RERE: variants seen among roughly 807,000 people sequenced by gnomAD.
RERE encodes the protein arginine-glutamic acid dipeptide repeats.
Under a neutral mutation model 146.1 loss-of-function variants are expected in RERE, and 40 were observed. That is an observed-to-expected ratio of 0.27 (90% confidence interval 0.21 to 0.36). The LOEUF is 0.36. Ranked by LOEUF, RERE falls within the 10% of genes least tolerant of loss-of-function variation. The pLI, the probability that RERE is intolerant of heterozygous loss-of-function variation, is 1.00. For missense variants in RERE, 1,933 were observed against 2,138.7 expected (o/e 0.90, Z 1.90); for synonymous variants, 1,003 against 866.0 (o/e 1.16, Z -2.78).
At chr1:8,788,070 C>T (rs1166176768) in intron 1 of RERE, among the ~76,000 whole-genome samples, 2 of 151,850 alleles carry the variant, frequency 1.3e-5, no homozygotes, top group Non-Finnish European at 2.9e-5. Context: ...TGCACTCCAG[C>T]CTGGGTGACA....
chr1:8,362,602 G>A, intron 16 of RERE, 81 bp downstream of exon 16: 1 of 1,535,462 alleles, frequency 6.5e-7, no homozygotes, highest in South Asian at 1.1e-5. Context: ...GTGTCTGAGG[G>A]AGCTGATCAC....
chr1:8,713,525 G>A (rs1639707504), intron 1 of RERE, among the ~76,000 whole-genome samples: 1 of 152,088 alleles, frequency 6.6e-6, no homozygotes, highest in African/African-American at 2.4e-5. Flanking sequence ...CCTGAGGTCA[G>A]GAGTTCAAGA....
chr1:8,402,512 C>T (rs115049341), intron 12 of RERE, among the ~76,000 whole-genome samples: 1 of 152,276 alleles, frequency 6.6e-6, no homozygotes, highest in African/African-American at 2.4e-5. Context: ...GTATGTCATG[C>T]AACGGTGGAC....
At chr1:8,687,689 AC>A (rs1343498651) in intron 1 of RERE, among the ~76,000 whole-genome samples, 2 of 152,214 alleles carry the variant, frequency 1.3e-5, no homozygotes, top group South Asian at 2.1e-4. Context: ...CCATTTTCAC[AC>A]CATATTCATA....
At chr1:8,528,069 C>A (rs942590255) in intron 7 of RERE, among the ~76,000 whole-genome samples, 1 of 152,174 alleles carries the variant, frequency 6.6e-6, no homozygotes, top group African/African-American at 2.4e-5. Context: ...CTATTTTGTA[C>A]CTCAAAGAAC....
chr1:8,808,160 A>AG (rs997092292), intron 1 of RERE, among the ~76,000 whole-genome samples: 5 of 151,198 alleles, frequency 3.3e-5, no homozygotes, highest in Admixed American at 6.6e-5. Flanking sequence ...AAAAAAAAAA[A>AG]AAAAAAAAAA....
In RERE at chr1:8,356,369, T is replaced by A. The variant is rs1213430876; in HGVS notation, c.4340-123A>T. 5 of 1,147,934 alleles carry A rather than the reference T, an allele frequency of 4.4e-6. No homozygotes were observed. The highest frequency in any genetic ancestry group is 5.7e-6 in the Non-Finnish European group (5 of 869,616). The allele number at this position is 1,147,934 out of a possible 1,614,324, so 71.1% of individuals were successfully genotyped here. A position where few individuals can be genotyped will look rare whatever the true frequency, so the allele number is the denominator to read the frequency against. On this transcript the variant is annotated intron_variant, in intron 20 of 22. Transcript: ENST00000400908. This position sits in a 1 kb window ranked among gnomAD's most constrained non-coding sequence, Gnocchi z 5.2. ...ATGGCTCCTGGTCACCAGGGCTGGATGCACCACCTGGCTACAGGTGGCCCT... is the reference window on the plus strand; with the variant it reads ...ATGGCTCCTGGTCACCAGGGCTGGAAGCACCACCTGGCTACAGGTGGCCCT...
chr1:8,453,992 G>C (rs1278874959), intron 11 of RERE, among the ~76,000 whole-genome samples: 3 of 152,158 alleles, frequency 2.0e-5, no homozygotes, highest in Non-Finnish European at 4.4e-5. Context: ...CACCTCCACA[G>C]ATTTTAATAT....
intron 1 of RERE, among the ~76,000 whole-genome samples, chr1:8,813,541 TTCTGTTCAGTA>T (rs1170168896): frequency 6.6e-6 from 1 of 152,186 alleles, no homozygotes; most frequent in African/African-American, 2.4e-5. Context: ...CCTGGAACAT[TTCTGTTCAGTA>T]TCTGTTCAGT....
intron 2 of RERE, among the ~76,000 whole-genome samples, chr1:8,649,207 C>G (rs1207662713): frequency 2.0e-5 from 3 of 152,158 alleles, no homozygotes; most frequent in African/African-American, 4.8e-5. Flanking sequence ...CATCTCAAAA[C>G]AGGAGTAATG....
At chr1:8,609,364 G>A (rs1397618688) in intron 4 of RERE, among the ~76,000 whole-genome samples, 2 of 152,158 alleles carry the variant, frequency 1.3e-5, no homozygotes, top group African/African-American at 4.8e-5. Flanking sequence ...AGGTCAGCTG[G>A]GTGCTTTCAG....
At chr1:8,699,252 A>G (rs1251120087) in intron 1 of RERE, among the ~76,000 whole-genome samples, 1 of 152,188 alleles carries the variant, frequency 6.6e-6, no homozygotes, top group Non-Finnish European at 1.5e-5. Flanking sequence ...GTATGAGAAA[A>G]CAGTCACAGA....
At chr1:8,809,157 A>AAAAAAAAAAAT (rs985140466) in intron 1 of RERE, among the ~76,000 whole-genome samples, 3 of 146,118 alleles carry the variant, frequency 2.1e-5, no homozygotes, top group African/African-American at 8.3e-5. Flanking sequence ...AAAAAAAAAA[A>AAAAAAAAAAAT]AAAGTACTGA....
intron 12 of RERE, among the ~76,000 whole-genome samples, chr1:8,377,914 ATAGT>A (rs775801820): frequency 5.9e-5 from 9 of 152,316 alleles, no homozygotes; most frequent in East Asian, 1.9e-4. Flanking sequence ...CTCAGAAAAG[ATAGT>A]TAGGAGAAAA....
chr1:8,673,901 C>T (rs1201817524), intron 1 of RERE, among the ~76,000 whole-genome samples: 1 of 152,026 alleles, frequency 6.6e-6, no homozygotes, highest in Non-Finnish European at 1.5e-5. Context: ...CACCTGGTGG[C>T]AAAGGCTTAT....
At chr1:8,709,677 T>C (rs1302752886) in intron 1 of RERE, among the ~76,000 whole-genome samples, 1 of 152,228 alleles carries the variant, frequency 6.6e-6, no homozygotes, top group Non-Finnish European at 1.5e-5. Context: ...TCTTGTTTAT[T>C]ACTGCAAAGA....
chr1:8,680,246 T>A (rs1638933606), intron 1 of RERE, among the ~76,000 whole-genome samples: 1 of 152,188 alleles, frequency 6.6e-6, no homozygotes, highest in Non-Finnish European at 1.5e-5. Flanking sequence ...AAAATACATC[T>A]GAGTATATGC....
chr1:8,539,630 T>G (rs1206193962), intron 7 of RERE, among the ~76,000 whole-genome samples: 2 of 152,144 alleles, frequency 1.3e-5, no homozygotes, highest in African/African-American at 4.8e-5. Context: ...GGTCTTAAAC[T>G]CCTGACCTCA....
chr1:8,657,498 A>G (rs1479295735), intron 1 of RERE, among the ~76,000 whole-genome samples: 1 of 152,132 alleles, frequency 6.6e-6, no homozygotes, highest in Non-Finnish European at 1.5e-5. Flanking sequence ...TACATTTTAC[A>G]CATCTTTTCA....
Sources: gnomAD v4.1 joint callset for allele counts (sites outside exome capture counted in the v4.1 genomes callset) on GRCh38, gnomAD v4.1.1 for gene constraint, Gnocchi (gnomAD v3.1) non-coding constraint, MANE v1.5 for transcripts, NCBI Gene and HGNC (gene_info 2026-07-23, HGNC 2026-07-21) for gene names.